NEFH: variants seen among roughly 807,000 people sequenced by gnomAD.
The protein encoded by NEFH is neurofilament heavy polypeptide.
Under a neutral mutation model 56.6 loss-of-function variants are expected in NEFH, and 58 were observed. The ratio of observed to expected loss-of-function variants is 1.03; its 90% CI spans 0.83 to 1.28. The LOEUF (loss-of-function observed/expected upper bound fraction) is 1.28. NEFH is among the 50% of genes most tolerant of loss of function. The pLI is 0.00. For missense variants in NEFH, 1,221 were observed against 1,307.6 expected, an observed-to-expected ratio of 0.93 and a Z score of 1.02; for synonymous variants, 542 against 545.8, an observed-to-expected ratio of 0.99 and a Z score of 0.10.
At chr22:29,482,536 C>T (rs982635274) in intron 1 of NEFH, among the ~76,000 whole-genome samples, 2 of 152,226 alleles carry the variant, frequency 1.3e-5, no homozygotes, top group Non-Finnish European at 2.9e-5. Context: ...GCACCCAGGC[C>T]ACGGGCTCTG....
chr22:29,483,580 C>T lies in NEFH; in HGVS notation c.1083+6C>T. ...CCGACATTGCCTCCTACCAGGTGGG[C>T]AGGGGCAAGGCAGACAGCCAGACTG... On this transcript the variant is annotated splice_donor_region_variant and intron_variant, in intron 2 of 3. Coordinates refer to ENST00000310624, the MANE Select transcript of NEFH (RefSeq NM_021076.4). The T allele has an allele frequency of 6.2e-7, 1 of 1,613,226 alleles. No homozygotes were observed. Among genetic ancestry groups the T allele is most frequent in the South Asian group, 1.1e-5 (1 of 91,068 alleles).
rs1338740548 is a variant in NEFH at position 29,489,873 on chromosome 22, A to G, written c.2233A>G (p.Lys745Glu). 2.5e-6 allele frequency: 4 copies of G among 1,577,306 alleles called. No individual in the cohort carries two copies. Among genetic ancestry groups the G allele is most frequent in the Middle Eastern group, 1.7e-4 (1 of 5,990 alleles). The change falls in exon 4 of 4, where the codon AAG becomes GAG. Residue 745 changes from lysine to glutamate, a missense_variant. By Grantham distance (56) the Lys-to-Glu change is moderately conservative (BLOSUM62 1). Transcript: ENST00000310624. The part of the protein sequence containing the change: ...KAKSPVKEEA[K>E]SPEKAKSPEK... ...CAAGTCCCCAGTGAAGGAAGAAGCTAAGTCCCCAGAGAAGGCCAAGTCCCC... is the reference window on the plus strand; with the variant it reads ...CAAGTCCCCAGTGAAGGAAGAAGCTGAGTCCCCAGAGAAGGCCAAGTCCCC...
chr22:29,488,729 T>A, intron 3 of NEFH, 120 bp from the exon 4 acceptor site: 1 of 965,178 alleles, frequency 1.0e-6, no homozygotes. Flanking sequence ...CCATTCACAT[T>A]CCTGTTCCAC....
Position 29,481,109 on chromosome 22 carries a change from G to T in NEFH, c.847G>T (p.Val283Leu), listed in dbSNP as rs1487702015. ...EIRAQLEGHA[V>L]QSTLQSEEWF... is the part of the protein sequence containing the mutation. ...TCGCGCGCAGCTTGAAGGCCACGCG[G>T]TGCAGAGCACGCTGCAGTCCGAGGA... Residue 283 changes from valine (V) to leucine (L), a missense_variant, in exon 1 of 4, where the codon GTG (valine) becomes TTG (leucine). Transcript: ENST00000310624. 2 of 1,532,166 alleles carry T rather than the reference G, an allele frequency of 1.3e-6. No individual in the cohort carries two copies. The highest frequency in any genetic ancestry group is 2.4e-5 in the South Asian group (2 of 83,926). The allele number at this position is 1,532,166 out of a possible 1,614,324, so 94.9% of individuals were successfully genotyped here.
chr22:29,487,765 A>AG (rs2063052652), intron 3 of NEFH, among the ~76,000 whole-genome samples: 1 of 149,716 alleles, frequency 6.7e-6, no homozygotes, highest in Non-Finnish European at 1.5e-5. Flanking sequence ...TACTAGTCTG[A>AG]GGGGTAACCC....
At chr22:29,485,897 G>T (rs529431783) in intron 3 of NEFH, 50 bp downstream of exon 3, 3 of 1,609,284 alleles carry the variant, frequency 1.9e-6, no homozygotes, top group Non-Finnish European at 2.6e-6. Context: ...GTGTTCCTGC[G>T]AGACGCTAAG....
rs756559119 is a variant in NEFH, at chr22:29,490,160, G to A, written c.2520G>A (p.Lys840=). 7.4e-6 allele frequency: 12 copies of A among 1,613,234 alleles called. No individual in the cohort carries two copies. In the African/African-American group the frequency reaches 1.6e-4, roughly 22 times the overall value. ...PQEVKVKEPP[K]KAEEEKAPAT... ...AGGTGAAAGTCAAAGAGCCCCCAAA[G>A]AAGGCAGAGGAAGAGAAAGCCCCTG... The change falls in exon 4 of 4, where the codon AAG becomes AAA. Residue 840 remains lysine, a synonymous_variant. Coordinates refer to ENST00000310624, the MANE Select transcript of NEFH (RefSeq NM_021076.4).
chr22:29,489,168 G>A lies in NEFH; in HGVS notation c.1528G>A (p.Ala510Thr), dbSNP rs772705184. 41 of 1,613,992 alleles carry A rather than the reference G, an allele frequency of 2.5e-5. No individual in the cohort carries two copies. The highest frequency in any genetic ancestry group is 3.3e-5 in the Non-Finnish European group (39 of 1,179,970). ...AAAGTCTCCCCCAGCAGAAGAGGCT[G>A]CATCCCCAGAGAAGGAAGCCAAGTC... is the stretch of plus-strand genomic sequence containing the variant. ...ETKSPPAEEAASPEKEAKSPV... is the reference protein window; with the variant it reads ...ETKSPPAEEATSPEKEAKSPV... The change falls in exon 4 of 4, where the codon GCA (alanine) becomes ACA (threonine). Residue 510 changes from alanine (A) to threonine (T), a missense_variant. This residue lies in a region of NEFH where 243 missense variants were observed against 299.1 expected (regional missense o/e 0.81). Coordinates refer to ENST00000310624, the MANE Select transcript of NEFH (RefSeq NM_021076.4).
At chr22:29,487,139 G>T (rs902279063) in intron 3 of NEFH, among the ~76,000 whole-genome samples, 1 of 151,796 alleles carries the variant, frequency 6.6e-6, no homozygotes, top group African/African-American at 2.4e-5. Flanking sequence ...TTAGTCAGTG[G>T]CAGCCTTGAG....
rs779784901 is a variant in NEFH, at chr22:29,480,586, C to T, written c.324C>T (p.Phe108=). The change falls in exon 1 of 4, where the codon TTC becomes TTT. Residue 108 remains phenylalanine (F), a synonymous_variant. Transcript: ENST00000310624. ...KEQLQALNDR[F]AGYIDKVRQL... is the part of the protein sequence containing the mutation. The stretch of plus-strand genomic sequence containing the variant: ...AGCTGCAGGCGCTGAACGACCGCTT[C>T]GCCGGGTACATCGACAAGGTGCGGC... 47 of 1,557,642 alleles carry T rather than the reference C, an allele frequency of 3.0e-5. 1 individual carries two copies. The East Asian group carries it at 1.1e-3, about 36-fold the overall frequency.
At position 29,489,335 on chromosome 22, in the gene NEFH, G is replaced by C. The variant is rs1406297457; in HGVS notation, c.1695G>C (p.Lys565Asn). ...KEEAKSPPEAKSPEKEEAKSP... is the reference protein window; with the variant it reads ...KEEAKSPPEANSPEKEEAKSP... ...AGGCAAAGTCACCGCCTGAGGCCAA[G>C]TCCCCAGAGAAGGAGGAAGCAAAAT... is the stretch of plus-strand genomic sequence containing the variant. The change falls in exon 4 of 4, where the codon AAG (lysine) becomes AAC (asparagine). Residue 565 changes from lysine (K) to asparagine (N), a missense_variant. Coordinates refer to ENST00000310624, the MANE Select transcript of NEFH (RefSeq NM_021076.4). 1 of 1,613,556 alleles carries C rather than the reference G, an allele frequency of 6.2e-7. No homozygotes were observed. The highest frequency in any genetic ancestry group is 8.5e-7 in the Non-Finnish European group (1 of 1,179,898).
chr22:29,485,276 T>C (rs1040695377), intron 2 of NEFH, among the ~76,000 whole-genome samples: 5 of 152,134 alleles, frequency 3.3e-5, no homozygotes, highest in Non-Finnish European at 7.3e-5. Context: ...CTAATTTTTG[T>C]ATTTTTAGTA....
chr22:29,487,182 C>A (rs2063049463), intron 3 of NEFH, among the ~76,000 whole-genome samples: 1 of 152,070 alleles, frequency 6.6e-6, no homozygotes, highest in South Asian at 2.1e-4. Context: ...CCGGGGGGAG[C>A]AGGGCTAGGG....
chr22:29,485,727 C>G lies in NEFH; in HGVS notation c.1088C>G (p.Ala363Gly). 1 of 1,614,002 alleles carries G rather than the reference C, an allele frequency of 6.2e-7. No homozygotes were observed. Among genetic ancestry groups the G allele is most frequent in the Admixed American group, 1.7e-5 (1 of 60,004 alleles). ...HQADIASYQEAIQQLDAELRN... is the reference protein window; with the variant it reads ...HQADIASYQEGIQQLDAELRN... The stretch of plus-strand genomic sequence containing the variant: ...TGTGTCACCTCTCCTTCCCAGGAAG[C>G]CATTCAGCAGCTGGACGCTGAGCTG... The change falls in exon 3 of 4, where the codon GCC becomes GGC. Residue 363 changes from alanine (A) to glycine (G), a missense_variant. Physicochemically the swap from Ala to Gly is moderately conservative, Grantham distance 60 (BLOSUM62 0). Transcript: ENST00000310624.
chr22:29,485,609 C>A, intron 2 of NEFH, 114 bp from the exon 3 acceptor site: 2 of 1,358,902 alleles, frequency 1.5e-6, no homozygotes, highest in African/African-American at 1.4e-5. Flanking sequence ...GGGTTGGCCC[C>A]AGTGAGCCTG....
Position 29,480,657 on chromosome 22 carries a change from T to G in NEFH, c.395T>G (p.Leu132Arg). 6.4e-7 allele frequency: 1 copy of G among 1,554,260 alleles called. No individual in the cohort carries two copies. The highest frequency in any genetic ancestry group is 8.6e-7 in the Non-Finnish European group (1 of 1,159,086). ...NRSLEGEAAA[L>R]RQQQAGRSAM... ...AGCCTGGAGGGCGAGGCTGCGGCGC[T>G]GCGGCAGCAGCAGGCGGGCCGCTCC... Residue 132 changes from leucine to arginine, a missense_variant, in exon 1 of 4, where the codon CTG (leucine) becomes CGG (arginine). By Grantham distance (102) the Leu-to-Arg change is moderately radical (BLOSUM62 -2). Coordinates refer to ENST00000310624, the MANE Select transcript of NEFH (RefSeq NM_021076.4).
Position 29,480,413 on chromosome 22 carries a change from A to C in NEFH, c.151A>C (p.Thr51Pro), listed in dbSNP as rs1169785726. The C allele has an allele frequency of 1.3e-6, 2 of 1,533,844 alleles. No homozygotes were observed. Among genetic ancestry groups the C allele is most frequent in the Non-Finnish European group, 1.7e-6 (2 of 1,147,072 alleles). Residue 51 changes from threonine to proline, a missense_variant, in exon 1 of 4, where the codon ACA becomes CCA. Transcript: ENST00000310624. Reference sequence around the variant, plus strand: ...CTCCTCCAGCGGCTTCCACTCGTGGACACGGACGTCCGTGAGCTCCGTGTC... The same window carrying C: ...CTCCTCCAGCGGCTTCCACTCGTGGCCACGGACGTCCGTGAGCTCCGTGTC... ...AGSSSGFHSW[T>P]RTSVSSVSAS...
At chr22:29,488,716 C>T (rs2063057870) in intron 3 of NEFH, 133 bp from the exon 4 acceptor site, 1 of 852,522 alleles carries the variant, frequency 1.2e-6, no homozygotes. Context: ...CTCATAATGC[C>T]CACCATTCAC....
Position 29,488,942 on chromosome 22 carries a change from T to G in NEFH, c.1302T>G (p.Thr434=), listed in dbSNP as rs1304786307. ...TCCCCAAAATTCCCTCTGTGTCCAC[T>G]CACATAAAGGTGAAAAGCGAAGAGA... is the stretch of plus-strand genomic sequence containing the variant. ...EGLPKIPSVS[T]HIKVKSEEKI... is the part of the protein sequence containing the mutation. Residue 434 remains threonine (T), a synonymous_variant, in exon 4 of 4, where the codon ACT becomes ACG. Transcript: ENST00000310624. The G allele has an allele frequency of 6.2e-7, 1 of 1,614,082 alleles. No homozygotes were observed. Among genetic ancestry groups the G allele is most frequent in the Non-Finnish European group, 8.5e-7 (1 of 1,180,026 alleles).
Sources: allele counts gnomAD v4.1 joint callset (sites outside exome capture counted in the v4.1 genomes callset), GRCh38; gene constraint gnomAD v4.1.1; regional missense constraint gnomAD v4.1.1; transcripts MANE v1.5; gene names NCBI Gene and HGNC (gene_info 2026-07-23, HGNC 2026-07-21).